Variants in KCNAB2 observed in about 807,000 individuals in gnomAD.
KCNAB2 encodes the protein potassium voltage-gated channel subfamily A regulatory beta subunit 2.
In KCNAB2, 29 loss-of-function variants were observed where a neutral mutation model predicts 63.6. The observed-to-expected ratio is 0.46, with a 90% CI of 0.34 to 0.62. The LOEUF is 0.62. KCNAB2 is among the 20% of genes least tolerant of loss of function. KCNAB2 has a pLI of 0.01. For missense variants in KCNAB2, 359 were observed against 563.9 expected (o/e 0.64, Z 3.68); for synonymous variants, 222 against 224.2 (o/e 0.99, Z 0.09).
In KCNAB2 at chr1:6,098,692, C is replaced by G; in HGVS notation, c.*118C>G. On this transcript the variant is annotated 3_prime_UTR_variant, in exon 16 of 16. Coordinates refer to ENST00000378083, the MANE Select transcript of KCNAB2 (RefSeq NM_001199862.2). The stretch of plus-strand genomic sequence containing the variant: ...TTTGCATCCAAGAGAAAACACCACA[C>G]TGTGATGTCATCGGGAAATGATCTC... The G allele has an allele frequency of 3.2e-6, 4 of 1,238,580 alleles. No homozygotes were observed. Among genetic ancestry groups the G allele is most frequent in the Non-Finnish European group, 4.5e-6 (4 of 890,884 alleles). The allele number at this position is 1,238,580 out of a possible 1,614,324, so 76.7% of individuals were successfully genotyped here. A position where few individuals can be genotyped will look rare whatever the true frequency, so the allele number is the denominator to read the frequency against.
chr1:6,086,311 C>G lies in KCNAB2; in HGVS notation c.425+1063C>G, dbSNP rs867850982. ...CCATCAAATTTGTTTTTTGGCAACT[C>G]TGATCCCAAAACAAATTCCTCCTCA... On this transcript the variant is annotated intron_variant, in intron 6 of 15. Transcript: ENST00000378083. This position sits in a 1 kb window ranked among gnomAD's most constrained non-coding sequence, Gnocchi z 4.2. The G allele has an allele frequency of 3.0e-6, 3 of 984,824 alleles. No homozygotes were observed. In the South Asian group the frequency reaches 1.4e-4, roughly 46 times the overall value. The allele number at this position is 984,824 out of a possible 1,614,324, so 61.0% of individuals were successfully genotyped here.
chr1:6,040,196 C>T (rs1660380930), intron 1 of KCNAB2, among the ~76,000 whole-genome samples: 2 of 152,252 alleles, frequency 1.3e-5, no homozygotes, highest in Non-Finnish European at 2.9e-5. Context: ...GCAGAAACTA[C>T]ACCTACGGTT....
At chr1:6,075,089 A>C (rs914392247) in intron 4 of KCNAB2, among the ~76,000 whole-genome samples, 1 of 152,188 alleles carries the variant, frequency 6.6e-6, no homozygotes, top group African/African-American at 2.4e-5. Context: ...AGCCCACCAG[A>C]TTGGTTCAGT....
chr1:6,007,521 C>CCGCGCCTCCTA, intron 1 of KCNAB2: 1 of 152,644 alleles, frequency 6.6e-6, no homozygotes, highest in South Asian at 2.0e-4. Context: ...TGCGCCTCCT[C>CCGCGCCTCCTA]CGCGCCTCCT....
intron 10 of KCNAB2, among the ~76,000 whole-genome samples, chr1:6,092,096 G>C (rs975259377): frequency 3.9e-5 from 6 of 152,350 alleles, no homozygotes; most frequent in African/African-American, 1.4e-4. Flanking sequence ...TATTTGTGAT[G>C]CGGCAGGAGA....
chr1:6,064,311 C>T lies in KCNAB2; in HGVS notation c.219-8444C>T, dbSNP rs573273667. ...CTGACATGATCAGATGTTGAACAGCCCTGTCCTAGACGGTGAGCGCCATGA... is the reference window on the plus strand; with the variant it reads ...CTGACATGATCAGATGTTGAACAGCTCTGTCCTAGACGGTGAGCGCCATGA... On this transcript the variant is annotated intron_variant, in intron 2 of 15. Coordinates refer to ENST00000378083, the MANE Select transcript of KCNAB2 (RefSeq NM_001199862.2). 4.6e-5 allele frequency among the ~76,000 whole-genome samples: 7 copies of T among 152,294 alleles called. No individual in the cohort carries two copies. In the East Asian group the frequency reaches 1.4e-3, roughly 29 times the overall value.
chr1:6,098,596 G>A lies in KCNAB2; in HGVS notation c.*22G>A, dbSNP rs146048790. On this transcript the variant is annotated 3_prime_UTR_variant, in exon 16 of 16. Transcript: ENST00000378083. ...CTAAGCCGCCCCCGCCCGCCTGCTC[G>A]GACAGTTTCCGTTCCCTCCTAGTCT... 4.0e-5 allele frequency: 65 copies of A among 1,611,120 alleles called. No individual in the cohort carries two copies. In the Middle Eastern group the frequency reaches 6.6e-4, roughly 16 times the overall value.
intron 7 of KCNAB2, among the ~76,000 whole-genome samples, chr1:6,088,189 T>C (rs930614732): frequency 4.0e-5 from 6 of 151,390 alleles, no homozygotes; most frequent in Non-Finnish European, 8.8e-5. Flanking sequence ...CCTACAGGGA[T>C]GAGCCACCAT....
intron 1 of KCNAB2, among the ~76,000 whole-genome samples, chr1:6,046,559 G>T (rs574361071): frequency 1.3e-5 from 2 of 152,226 alleles, no homozygotes; most frequent in African/African-American, 4.8e-5. Context: ...TGCCCAGAGC[G>T]CTGTCAGGGA....
At chr1:6,077,975 G>A (rs1216954544) in intron 4 of KCNAB2, among the ~76,000 whole-genome samples, 4 of 152,190 alleles carry the variant, frequency 2.6e-5, no homozygotes, top group Admixed American at 1.3e-4. Context: ...CACAGCTCTG[G>A]GGTCCAGAGA....
intron 1 of KCNAB2, among the ~76,000 whole-genome samples, chr1:6,008,352 G>C (rs1288403762): frequency 6.6e-6 from 1 of 152,160 alleles, no homozygotes; most frequent in East Asian, 1.9e-4. Context: ...CAGGCACGGT[G>C]GTTCACGCCT....
At chr1:6,040,077 T>A (rs1660371314) in intron 1 of KCNAB2, among the ~76,000 whole-genome samples, 1 of 151,948 alleles carries the variant, frequency 6.6e-6, no homozygotes, top group South Asian at 2.1e-4. Flanking sequence ...TGGGCTGGAG[T>A]CAGGGCAAGG....
rs770787128 is a variant in KCNAB2 at position 6,094,375 on chromosome 1, G to C, written c.647-25G>C. 3 of 1,589,930 alleles carry C rather than the reference G, an allele frequency of 1.9e-6. No individual in the cohort carries two copies. In the African/African-American group the frequency reaches 4.0e-5, roughly 21 times the overall value. ...CCTGAGCCCTGGCTGCCCCCCACCT[G>C]CGGTTTCCCTTTCTCTCACGACAGA... is the stretch of plus-strand genomic sequence containing the variant. On this transcript the variant is annotated intron_variant, in intron 10 of 15. Transcript: ENST00000378083.
At position 6,100,609 on chromosome 1, in the gene KCNAB2, C is replaced by G. The variant is rs777360318; in HGVS notation, c.*2035C>G. The G allele has an allele frequency of 6.8e-6, 1 of 146,242 alleles. No individual in the cohort carries two copies. The highest frequency in any genetic ancestry group is 1.5e-5 in the Non-Finnish European group (1 of 66,598). 9.1% of individuals were successfully genotyped at this position (146,242 alleles called of 1,614,324 possible). A position where few individuals can be genotyped will look rare whatever the true frequency, so the allele number is the denominator to read the frequency against. ...CCAGGGTGGGCACTGCTGCTTAATG[C>G]GAGGCACACCTGGGGCAGCTGAGCC... On this transcript the variant is annotated 3_prime_UTR_variant, in exon 16 of 16. Coordinates refer to ENST00000378083, the MANE Select transcript of KCNAB2 (RefSeq NM_001199862.2).
intron 2 of KCNAB2, among the ~76,000 whole-genome samples, chr1:6,056,291 C>T (rs966013629): frequency 6.6e-6 from 1 of 152,062 alleles, no homozygotes; most frequent in Non-Finnish European, 1.5e-5. Flanking sequence ...GTGACCCACT[C>T]GCCTCGGCCT....
At chr1:6,075,560 T>C (rs567390284) in intron 4 of KCNAB2, among the ~76,000 whole-genome samples, 1 of 152,284 alleles carries the variant, frequency 6.6e-6, no homozygotes, top group South Asian at 2.1e-4. Flanking sequence ...TTTGTATTAA[T>C]CCTATAGTTA....
chr1:6,079,895 C>T (rs1412444573), intron 4 of KCNAB2, among the ~76,000 whole-genome samples: 1 of 152,156 alleles, frequency 6.6e-6, no homozygotes, highest in Non-Finnish European at 1.5e-5. Flanking sequence ...AACTTAAAGT[C>T]TCTTTGATAA....
rs185964455 is a variant in KCNAB2 at position 6,054,246 on chromosome 1, G to A, written c.218+2492G>A. On this transcript the variant is annotated intron_variant, in intron 2 of 15. Transcript: ENST00000378083. ...AACCCAAGGGACTCTGAGGAGTCTC[G>A]GTGTTACCGGTGGAGGGTGTGCAGC... Among the ~76,000 whole-genome samples, 195 of 152,244 alleles carry A rather than the reference G, an allele frequency of 1.3e-3. 2 individuals carry two copies. Among genetic ancestry groups the A allele is most frequent in the Non-Finnish European group, 7.2e-4 (49 of 68,026 alleles).
chr1:6,000,860 A>T (rs1657215345), intron 1 of KCNAB2, among the ~76,000 whole-genome samples: 1 of 152,122 alleles, frequency 6.6e-6, no homozygotes, highest in Non-Finnish European at 1.5e-5. Flanking sequence ...GGGAGCCAGG[A>T]TAAGGTCGCT....
Sources: gnomAD v4.1 joint callset for allele counts (sites outside exome capture counted in the v4.1 genomes callset) on GRCh38, gnomAD v4.1.1 for gene constraint, Gnocchi (gnomAD v3.1) non-coding constraint, MANE v1.5 for transcripts, NCBI Gene and HGNC (gene_info 2026-07-23, HGNC 2026-07-21) for gene names.